CFTR: variants seen among roughly 807,000 people sequenced by gnomAD.
CFTR encodes CF transmembrane conductance regulator.
A neutral mutation model predicts 171.6 loss-of-function variants in CFTR; 181 were observed. The observed-to-expected ratio is 1.05, with a 90% CI of 0.93 to 1.19. The LOEUF is 1.19. CFTR is among the 50% of genes most tolerant of loss of function. The pLI is 0.00. For synonymous variants in CFTR, 583 were observed against 608.0 expected (o/e 0.96, Z 0.60); for missense variants, 1,968 against 1,734.7 (o/e 1.13, Z -2.39).
intron 1 of CFTR, among the ~76,000 whole-genome samples, chr7:117,492,775 G>A (rs1798178752): frequency 6.6e-6 from 1 of 151,986 alleles, no homozygotes; most frequent in Non-Finnish European, 1.5e-5. Context: ...TCAGGTAGAA[G>A]AAGTACAGGA....
chr7:117,583,435 A>C (rs1225391292), intron 11 of CFTR, among the ~76,000 whole-genome samples: 1 of 152,014 alleles, frequency 6.6e-6, no homozygotes, highest in Non-Finnish European at 1.5e-5. Context: ...TTGGTTTTCC[A>C]TTCCTGAGTT....
At chr7:117,501,777 A>AAAAAAAAAAAAAAAAAAC (rs1798334726) in intron 1 of CFTR, among the ~76,000 whole-genome samples, 1 of 135,744 alleles carries the variant, frequency 7.4e-6, no homozygotes, top group Non-Finnish European at 1.6e-5. Flanking sequence ...AAAAAGAAAC[A>AAAAAAAAAAAAAAAAAAC]AAAAAAAAAA....
intron 7 of CFTR, among the ~76,000 whole-genome samples, chr7:117,538,069 TTC>T (rs1798986904): frequency 6.6e-6 from 1 of 152,238 alleles, no homozygotes; most frequent in African/African-American, 2.4e-5. Flanking sequence ...TACTTGGAAT[TTC>T]TCTTTGATAT....
intron 11 of CFTR, among the ~76,000 whole-genome samples, chr7:117,567,461 C>T (rs1213592017): frequency 6.6e-6 from 1 of 152,110 alleles, no homozygotes; most frequent in Admixed American, 6.5e-5. Context: ...CTTGAAATGG[C>T]AGATTGTATT....
intron 22 of CFTR, among the ~76,000 whole-genome samples, chr7:117,633,557 T>A (rs1417010026): frequency 6.6e-6 from 1 of 152,106 alleles, no homozygotes; most frequent in Admixed American, 6.5e-5. Flanking sequence ...TGAGAGGGGA[T>A]ATCTTGGTCT....
At chr7:117,651,849 T>C (rs1453399434) in intron 23 of CFTR, among the ~76,000 whole-genome samples, 1 of 152,162 alleles carries the variant, frequency 6.6e-6, no homozygotes, top group Non-Finnish European at 1.5e-5. Flanking sequence ...GTGTGGTTCC[T>C]TGTGGACCAG....
chr7:117,566,972 A>T (rs776341143), intron 11 of CFTR, among the ~76,000 whole-genome samples: 5 of 152,204 alleles, frequency 3.3e-5, no homozygotes, highest in Non-Finnish European at 7.3e-5. Context: ...TCCCAGTAAG[A>T]TTTGGGCCAG....
Position 117,611,645 on chromosome 7 carries a change from C to T in CFTR, c.3204C>T (p.Phe1068=), listed in dbSNP as rs1800116. 47 of 1,613,400 alleles carry T rather than the reference C, an allele frequency of 2.9e-5. No individual in the cohort carries two copies. Among genetic ancestry groups the T allele is most frequent in the South Asian group, 7.7e-5 (7 of 91,066 alleles). Residue 1068 remains phenylalanine, a synonymous_variant, in exon 20 of 27, where the codon TTC becomes TTT. Coordinates refer to ENST00000003084, the MANE Select transcript of CFTR (RefSeq NM_000492.4). ...SLKGLWTLRA[F]GRQPYFETLF... is the part of the protein sequence containing the mutation. ...AAGGACTATGGACACTTCGTGCCTT[C>T]GGACGGCAGCCTTACTTTGAAACTC... is the stretch of plus-strand genomic sequence containing the variant.
Position 117,668,618 on chromosome 7 carries a change from CTGTA to C in CFTR, c.*1511_*1514del, listed in dbSNP as rs1312129388. ...TAAGAAGACTGCATTATATTTATTA[CTGTA>C]AGAAAATATCACTTGTCAATAAAAT... is the stretch of plus-strand genomic sequence containing the variant. On this transcript the variant is annotated 3_prime_UTR_variant, in exon 27 of 27. Coordinates refer to ENST00000003084, the MANE Select transcript of CFTR (RefSeq NM_000492.4). The C allele has an allele frequency of 6.6e-6, 1 of 152,618 alleles. No homozygotes were observed. Among genetic ancestry groups the C allele is most frequent in the Non-Finnish European group, 1.5e-5 (1 of 68,032 alleles). 9.5% of individuals were successfully genotyped at this position (152,618 alleles called of 1,614,324 possible).
At chr7:117,643,841 C>G (rs1221416095) in intron 23 of CFTR, among the ~76,000 whole-genome samples, 2 of 152,066 alleles carry the variant, frequency 1.3e-5, no homozygotes, top group Non-Finnish European at 2.9e-5. Context: ...TGTTCTTGTT[C>G]ACACAAATCT....
At chr7:117,560,631 T>G (rs1799448857) in intron 11 of CFTR, 1 of 151,956 alleles carries the variant, frequency 6.6e-6, no homozygotes, top group South Asian at 2.1e-4. Context: ...ATGTATATAC[T>G]CAGTCATTCA....
intron 7 of CFTR, among the ~76,000 whole-genome samples, chr7:117,539,504 T>G (rs1220033669): frequency 7.9e-5 from 12 of 152,018 alleles, no homozygotes; most frequent in Middle Eastern, 3.4e-3. Flanking sequence ...AGCTTGAGAC[T>G]GTATATTTAA....
chr7:117,644,620 C>A (rs1792971696), intron 23 of CFTR, among the ~76,000 whole-genome samples: 1 of 152,074 alleles, frequency 6.6e-6, no homozygotes, highest in Non-Finnish European at 1.5e-5. Context: ...AAGAAATTTC[C>A]CCTCTTTTTC....
At chr7:117,545,967 C>T (rs965402797) in intron 9 of CFTR, among the ~76,000 whole-genome samples, 1 of 151,412 alleles carries the variant, frequency 6.6e-6, no homozygotes, top group African/African-American at 2.4e-5. Flanking sequence ...TACAGACACA[C>T]ACCACCATGC....
chr7:117,505,368 C>T (rs992547531), intron 2 of CFTR, among the ~76,000 whole-genome samples: 53 of 152,024 alleles, frequency 3.5e-4, no homozygotes, highest in African/African-American at 1.2e-3. Context: ...ATAAAAGGAA[C>T]GAATTTATTG....
At chr7:117,556,887 C>G (rs143402696) in intron 10 of CFTR, among the ~76,000 whole-genome samples, 352 of 152,262 alleles carry the variant, frequency 2.3e-3, no homozygotes, top group Non-Finnish European at 4.2e-3. Flanking sequence ...TAGGTTTCTA[C>G]TAAAACCAAA....
chr7:117,664,704 T>G lies in CFTR; in HGVS notation c.3980T>G (p.Val1327Gly), dbSNP rs900007100. ...TAACTGCAGGTTGGGCTCAGATCTG[T>G]GATAGAACAGTTTCCTGGGAAGCTT... ...KVADEVGLRSVIEQFPGKLDF... is the reference protein window; with the variant it reads ...KVADEVGLRSGIEQFPGKLDF... The change falls in exon 25 of 27, where the codon GTG (valine) becomes GGG (glycine). Residue 1327 changes from valine to glycine, a missense_variant. Transcript: ENST00000003084. The G allele has an allele frequency of 4.3e-6, 7 of 1,613,836 alleles. No individual in the cohort carries two copies. Among genetic ancestry groups the G allele is most frequent in the Non-Finnish European group, 5.9e-6 (7 of 1,179,884 alleles).
At chr7:117,559,926 C>T (rs1799432861) in intron 11 of CFTR, among the ~76,000 whole-genome samples, 1 of 151,984 alleles carries the variant, frequency 6.6e-6, no homozygotes, top group Non-Finnish European at 1.5e-5. Context: ...ATTTTGTTCA[C>T]TCATTAGTGA....
intron 23 of CFTR, among the ~76,000 whole-genome samples, chr7:117,649,495 GTGTA>G (rs776270893): frequency 3.3e-4 from 46 of 138,512 alleles, no homozygotes; most frequent in African/African-American, 1.2e-3. Context: ...GTGTGTGTGT[GTGTA>G]TATATATATA....
Sources: allele counts gnomAD v4.1 joint callset (sites outside exome capture counted in the v4.1 genomes callset), GRCh38; gene constraint gnomAD v4.1.1; transcripts MANE v1.5; gene names NCBI Gene and HGNC (gene_info 2026-07-23, HGNC 2026-07-21).